MLLT10: variants seen among roughly 807,000 people sequenced by gnomAD.
The protein encoded by MLLT10 is protein AF-10.
In MLLT10, 30 loss-of-function variants were observed where a neutral mutation model predicts 129.1. That is an observed-to-expected ratio of 0.23 (90% CI 0.17 to 0.32). The LOEUF (loss-of-function observed/expected upper bound fraction) is 0.32, where lower values mean the gene tolerates loss of function less well. MLLT10 is among the 10% of genes least tolerant of loss of function. The pLI, the probability that MLLT10 is intolerant of heterozygous loss-of-function variation, is 1.00. For missense variants in MLLT10, 1,119 were observed against 1,268.3 expected (o/e 0.88, Z 1.79); for synonymous variants, 490 against 446.4 (o/e 1.10, Z -1.23).
At chr10:21,627,867 C>T (rs1478764981) in intron 8 of MLLT10, among the ~76,000 whole-genome samples, 1 of 152,154 alleles carries the variant, frequency 6.6e-6, no homozygotes, top group African/African-American at 2.4e-5. Flanking sequence ...AATTAGACTG[C>T]ATCTTCCACC....
chr10:21,538,533 C>T (rs1287979376), intron 2 of MLLT10, among the ~76,000 whole-genome samples: 1 of 152,036 alleles, frequency 6.6e-6, no homozygotes, highest in Non-Finnish European at 1.5e-5. Flanking sequence ...TCTGGAACTC[C>T]TGGGCTCCAG....
At chr10:21,560,910 C>T (rs2038721894) in intron 3 of MLLT10, among the ~76,000 whole-genome samples, 1 of 152,040 alleles carries the variant, frequency 6.6e-6, no homozygotes, top group Non-Finnish European at 1.5e-5. Flanking sequence ...GTCCTTTGCT[C>T]TTTTTGTGTG....
In MLLT10 at chr10:21,619,909, T is replaced by C. The variant is rs563396495; in HGVS notation, c.699+2702T>C. The stretch of plus-strand genomic sequence containing the variant: ...TTTTCTCCTTCCCTCCTTACCTCTT[T>C]TAAGTTTTTTTTTCTTTTTCTTTTC... On this transcript the variant is annotated intron_variant, in intron 8 of 22. Coordinates refer to ENST00000307729, the MANE Select transcript of MLLT10 (RefSeq NM_001195626.3). 3.9e-5 allele frequency among the ~76,000 whole-genome samples: 6 copies of C among 151,984 alleles called. No individual in the cohort carries two copies. The South Asian group carries it at 6.2e-4, about 16-fold the overall frequency.
intron 8 of MLLT10, among the ~76,000 whole-genome samples, chr10:21,619,626 G>C (rs2045608168): frequency 6.6e-6 from 1 of 152,110 alleles, no homozygotes; most frequent in African/African-American, 2.4e-5. Flanking sequence ...ATACTATTTG[G>C]ATTTTACTTT....
At chr10:21,664,944 CTTTTTTTTTTTT>C (rs146373535) in intron 9 of MLLT10, among the ~76,000 whole-genome samples, 1 of 119,392 alleles carries the variant, frequency 8.4e-6, no homozygotes, top group African/African-American at 3.3e-5. Flanking sequence ...TTTTTCTTTT[CTTTTTTTTTTTT>C]TTTTTTTGAG....
intron 8 of MLLT10, among the ~76,000 whole-genome samples, chr10:21,637,850 A>G (rs961819735): frequency 3.3e-5 from 5 of 152,344 alleles, no homozygotes; most frequent in African/African-American, 1.2e-4. Context: ...TATAAGAGCA[A>G]TAACTAAACT....
intron 8 of MLLT10, among the ~76,000 whole-genome samples, chr10:21,631,922 T>C (rs1564542830): frequency 7.9e-6 from 1 of 126,342 alleles, no homozygotes; most frequent in Non-Finnish European, 1.6e-5. Flanking sequence ...CTTGAAGAGT[T>C]TTTTTTTTGG....
chr10:21,743,403 ATTAAT>A lies in MLLT10; in HGVS notation c.*1424_*1428del, dbSNP rs768382815. ...TTGGTAGATTTAATTGAAAAGTAAA[ATTAAT>A]TTATTTTTATATGTTCAGGGGAATT... On this transcript the variant is annotated 3_prime_UTR_variant, in exon 23 of 23. Transcript: ENST00000307729. The A allele has an allele frequency of 5.9e-5, 12 of 201,844 alleles. No individual in the cohort carries two copies. The highest frequency in any genetic ancestry group is 1.1e-4 in the African/African-American group (5 of 43,684). The allele number at this position is 201,844 out of a possible 1,614,324, so 12.5% of individuals were successfully genotyped here.
Position 21,742,473 on chromosome 10 carries a change from T to C in MLLT10, c.*490T>C. 4.6e-6 allele frequency: 1 copy of C among 215,978 alleles called. No individual in the cohort carries two copies. The allele number at this position is 215,978 out of a possible 1,614,324, so 13.4% of individuals were successfully genotyped here. A position where few individuals can be genotyped will look rare whatever the true frequency, so the allele number is the denominator to read the frequency against. Reference sequence around the variant, plus strand: ...CTAATTTCTTCTCCTGGAGTTGCATTGATTCAGTATTACAAATATATAGCA... The same window carrying C: ...CTAATTTCTTCTCCTGGAGTTGCATCGATTCAGTATTACAAATATATAGCA... On this transcript the variant is annotated 3_prime_UTR_variant, in exon 23 of 23. Coordinates refer to ENST00000307729, the MANE Select transcript of MLLT10 (RefSeq NM_001195626.3).
intron 22 of MLLT10, 97 bp downstream of exon 22, chr10:21,740,333 T>C (rs2058723707): frequency 7.3e-7 from 1 of 1,373,740 alleles, no homozygotes; most frequent in African/African-American, 1.4e-5. Flanking sequence ...CCCTGATCAT[T>C]TCTTCTTAAA....
chr10:21,606,520 A>G (rs1227457529), intron 5 of MLLT10, among the ~76,000 whole-genome samples: 1 of 152,160 alleles, frequency 6.6e-6, no homozygotes, highest in South Asian at 2.1e-4. Context: ...GTTTTGTGGG[A>G]GGAGGTCAAA....
chr10:21,733,196 G>T (rs1256481055), intron 18 of MLLT10, 109 bp downstream of exon 18: 7 of 1,126,402 alleles, frequency 6.2e-6, no homozygotes, highest in Non-Finnish European at 8.6e-6. Context: ...TGTAGAAAAG[G>T]AACTATAGGT....
chr10:21,678,174 A>G (rs1442671867), intron 11 of MLLT10, among the ~76,000 whole-genome samples: 1 of 151,982 alleles, frequency 6.6e-6, no homozygotes, highest in Admixed American at 6.6e-5. Flanking sequence ...GCCTGATCTC[A>G]GCTCACTGCC....
intron 3 of MLLT10, among the ~76,000 whole-genome samples, chr10:21,584,841 CACAT>C (rs1030403544): frequency 2.0e-5 from 3 of 151,052 alleles, no homozygotes; most frequent in Non-Finnish European, 2.9e-5. Flanking sequence ...TATACATACA[CACAT>C]ATATATACGT....
rs976403215 is a variant in MLLT10 at position 21,717,152 on chromosome 10, C to T, written c.1878+3202C>T. ...CCTGTAATCCCAGCTACTCGGGAGG[C>T]TGAGGCAGGAGAATTGCTTGAACCT... On this transcript the variant is annotated intron_variant, in intron 14 of 22. Coordinates refer to ENST00000307729, the MANE Select transcript of MLLT10 (RefSeq NM_001195626.3). Among the ~76,000 whole-genome samples the T allele has an allele frequency of 2.0e-5, 3 of 146,492 alleles. No individual in the cohort carries two copies. The Admixed American group carries it at 2.1e-4, about 10-fold the overall frequency.
chr10:21,618,009 T>C (rs2045436243), intron 8 of MLLT10, among the ~76,000 whole-genome samples: 1 of 152,274 alleles, frequency 6.6e-6, no homozygotes, highest in South Asian at 2.1e-4. Flanking sequence ...GTGAGACCCC[T>C]GTCTCTTAAA....
At chr10:21,644,339 A>G (rs2048286414) in intron 8 of MLLT10, among the ~76,000 whole-genome samples, 1 of 152,036 alleles carries the variant, frequency 6.6e-6, no homozygotes, top group Non-Finnish European at 1.5e-5. Context: ...CACTTATTCC[A>G]TTATAATTTA....
chr10:21,551,406 C>CT (rs989705963), intron 3 of MLLT10, among the ~76,000 whole-genome samples: 5 of 128,566 alleles, frequency 3.9e-5, no homozygotes, highest in Non-Finnish European at 8.1e-5. Flanking sequence ...CATTTACTAA[C>CT]TTTTTTTTTG....
At chr10:21,535,063 A>G (rs1277974994) in intron 2 of MLLT10, among the ~76,000 whole-genome samples, 1 of 128,670 alleles carries the variant, frequency 7.8e-6, no homozygotes, top group Non-Finnish European at 1.6e-5. Context: ...GGGTCTGCTG[A>G]CTCGGCGGGG....
Sources: gnomAD v4.1 joint callset for allele counts (sites outside exome capture counted in the v4.1 genomes callset) on GRCh38, gnomAD v4.1.1 for gene constraint, MANE v1.5 for transcripts, NCBI Gene and HGNC (gene_info 2026-07-23, HGNC 2026-07-21) for gene names.